Variants in WWOX observed in about 807,000 individuals in gnomAD.
WWOX encodes the protein WW domain containing oxidoreductase, also known as WW domain-containing oxidoreductase.
Under a neutral mutation model 46.2 loss-of-function variants are expected in WWOX, and 69 were observed. The observed-to-expected ratio is 1.49, with a 90% CI of 1.23 to 1.82. The LOEUF (loss-of-function observed/expected upper bound fraction) is 1.82, where lower values mean the gene tolerates loss of function less well. WWOX is among the 40% of genes most tolerant of loss of function. WWOX has a pLI of 0.00. For missense variants in WWOX, 919 were observed against 542.6 expected, an observed-to-expected ratio of 1.69 and a Z score of -6.89; for synonymous variants, 359 against 202.6, an observed-to-expected ratio of 1.77 and a Z score of -6.56.
intron 8 of WWOX, among the ~76,000 whole-genome samples, chr16:78,752,347 A>G (rs537214221): frequency 6.6e-6 from 1 of 152,172 alleles, no homozygotes; most frequent in Non-Finnish European, 1.5e-5. Context: ...GAGTACAGTG[A>G]TGCGATCTCA....
intron 8 of WWOX, among the ~76,000 whole-genome samples, chr16:78,974,245 G>A (rs548948930): frequency 6.6e-6 from 1 of 152,350 alleles, no homozygotes; most frequent in African/African-American, 2.4e-5. Context: ...TTGTGTTAGA[G>A]AAAAACTGTC....
chr16:79,190,915 G>A (rs1357913985), intron 8 of WWOX, among the ~76,000 whole-genome samples: 1 of 152,312 alleles, frequency 6.6e-6, no homozygotes, highest in South Asian at 2.1e-4. Flanking sequence ...ATTAGTTGGT[G>A]TTACCTAAAT....
chr16:79,066,480 G>A (rs746564777), intron 8 of WWOX, among the ~76,000 whole-genome samples: 10 of 152,060 alleles, frequency 6.6e-5, no homozygotes, highest in Non-Finnish European at 1.0e-4. Flanking sequence ...AAGGAAAGAA[G>A]GACAGAAGGA....
intron 8 of WWOX, among the ~76,000 whole-genome samples, chr16:78,734,543 C>G (rs142578703): frequency 2.0e-5 from 3 of 152,150 alleles, no homozygotes; most frequent in Non-Finnish European, 4.4e-5. Flanking sequence ...TTGGACCTCA[C>G]TGAACTTGAG....
At chr16:78,281,791 C>T (rs570888733) in intron 5 of WWOX, among the ~76,000 whole-genome samples, 2 of 152,204 alleles carry the variant, frequency 1.3e-5, no homozygotes, top group African/African-American at 2.4e-5. Flanking sequence ...AGAACACAGC[C>T]GTGTTTGGCC....
chr16:78,395,871 A>G (rs2082273875), intron 6 of WWOX, among the ~76,000 whole-genome samples: 1 of 152,050 alleles, frequency 6.6e-6, no homozygotes, highest in Non-Finnish European at 1.5e-5. Context: ...AAATGCTTAG[A>G]TTCCATTTTC....
chr16:78,912,527 G>T (rs7500900), intron 8 of WWOX, among the ~76,000 whole-genome samples: 4 of 151,880 alleles, frequency 2.6e-5, no homozygotes, highest in African/African-American at 7.2e-5. Context: ...CAGCTCCTCC[G>T]CTCTTCCCTG....
At chr16:79,013,930 ACCT>A (rs1205683369) in intron 8 of WWOX, among the ~76,000 whole-genome samples, 1 of 151,882 alleles carries the variant, frequency 6.6e-6, no homozygotes, top group Admixed American at 6.6e-5. Context: ...CACCAGAAAC[ACCT>A]CCTCCCCAGA....
intron 8 of WWOX, among the ~76,000 whole-genome samples, chr16:78,718,060 T>A (rs909215092): frequency 1.8e-5 from 2 of 110,222 alleles, no homozygotes; most frequent in African/African-American, 7.0e-5. Flanking sequence ...ATTTGCTTTA[T>A]GGAAGGGGAT....
At chr16:78,328,905 A>C (rs1045237201) in intron 5 of WWOX, among the ~76,000 whole-genome samples, 1 of 151,438 alleles carries the variant, frequency 6.6e-6, no homozygotes, top group Non-Finnish European at 1.5e-5. Flanking sequence ...TCTGTCTTCC[A>C]GGCTGGAGTG....
intron 8 of WWOX, among the ~76,000 whole-genome samples, chr16:78,558,081 G>T (rs2044349784): frequency 6.6e-6 from 1 of 152,130 alleles, no homozygotes. Flanking sequence ...CAGATGTGGG[G>T]CTGTGATTCT....
chr16:78,973,968 G>A (rs921498119), intron 8 of WWOX, among the ~76,000 whole-genome samples: 5 of 152,142 alleles, frequency 3.3e-5, no homozygotes, highest in African/African-American at 7.2e-5. Flanking sequence ...ATTATTTCAA[G>A]GTGATTTTAT....
chr16:78,974,113 C>A (rs1167402677), intron 8 of WWOX, among the ~76,000 whole-genome samples: 1 of 152,218 alleles, frequency 6.6e-6, no homozygotes, highest in Admixed American at 6.5e-5. Context: ...CTCCTCATTT[C>A]TGCGCTTGAA....
rs545971732 is a variant in WWOX, at chr16:78,688,298, T to A, written c.1056+255546T>A. The stretch of plus-strand genomic sequence containing the variant: ...CATCGTCTTTATCCTTAGATCTTAA[T>A]CAGAAATAGGAAAATTTTCTGAGAG... On this transcript the variant is annotated intron_variant, in intron 8 of 8. Coordinates refer to ENST00000566780, the MANE Select transcript of WWOX (RefSeq NM_016373.4). Among the ~76,000 whole-genome samples, 11 of 150,734 alleles carry A rather than the reference T, an allele frequency of 7.3e-5. No homozygotes were observed. The South Asian group carries it at 2.3e-3, about 31-fold the overall frequency.
At chr16:78,241,014 T>C (rs1420099358) in intron 5 of WWOX, among the ~76,000 whole-genome samples, 1 of 152,108 alleles carries the variant, frequency 6.6e-6, no homozygotes. Flanking sequence ...AGTGGGCATG[T>C]TCCTCACCTG....
At chr16:78,767,429 A>C (rs1416429074) in intron 8 of WWOX, among the ~76,000 whole-genome samples, 1 of 151,852 alleles carries the variant, frequency 6.6e-6, no homozygotes, top group Non-Finnish European at 1.5e-5. Context: ...CACACCTGCC[A>C]CAAAATTTCT....
At chr16:78,967,675 G>C (rs5015484) in intron 8 of WWOX, among the ~76,000 whole-genome samples, 9,798 of 152,104 alleles carry the variant, frequency 0.064, 422 homozygotes, top group Non-Finnish European at 0.096. Context: ...TAGCTTGGGA[G>C]AGTCTAGTGG....
intron 8 of WWOX, among the ~76,000 whole-genome samples, chr16:78,455,208 G>C (rs11860794): frequency 0.18 from 27,966 of 152,098 alleles, 3,957 homozygotes; most frequent in African/African-American, 0.38. Context: ...ATGTGTCGGA[G>C]GCAAACATGT....
intron 8 of WWOX, among the ~76,000 whole-genome samples, chr16:78,498,812 T>C (rs529924586): frequency 6.6e-6 from 1 of 152,314 alleles, no homozygotes; most frequent in East Asian, 1.9e-4. Flanking sequence ...GTAGTCTTCC[T>C]GCCTTGGCCT....
Sources: allele counts gnomAD v4.1 joint callset (sites outside exome capture counted in the v4.1 genomes callset), GRCh38; gene constraint gnomAD v4.1.1; transcripts MANE v1.5; gene names NCBI Gene and HGNC (gene_info 2026-07-23, HGNC 2026-07-21).